The following SP3 variants were observed in gnomAD, a reference collection of about 807,000 sequenced individuals.
The protein encoded by SP3 is transcription factor Sp3.
SP3 carries 10 observed loss-of-function variants against 70.3 expected under a neutral mutation model. The observed-to-expected ratio is 0.14, with a 90% confidence interval of 0.09 to 0.24. The LOEUF (loss-of-function observed/expected upper bound fraction) is 0.24. Ranked by LOEUF, SP3 falls within the 10% of genes least tolerant of loss-of-function variation. The pLI, the probability that SP3 is intolerant of heterozygous loss-of-function variation, is 1.00. For synonymous variants in SP3, 402 were observed against 333.5 expected (o/e 1.21, Z -2.24); for missense variants, 825 against 914.6 (o/e 0.90, Z 1.26).
At position 173,908,195 on chromosome 2, in the gene SP3, G is replaced by T. The variant is rs1574392730; in HGVS notation, c.*1746C>A. 6.6e-6 allele frequency: 1 copy of T among 151,966 alleles called. No individual in the cohort carries two copies. The highest frequency in any genetic ancestry group is 2.4e-5 in the African/African-American group (1 of 41,400). The allele number at this position is 151,966 out of a possible 1,614,324, so 9.4% of individuals were successfully genotyped here. ...TTCAGGAGTCTTAATGTAAATTCAG[G>T]TTTTCGATAAATCAAAATATTCTGC... On this transcript the variant is annotated 3_prime_UTR_variant, in exon 7 of 7. Transcript: ENST00000310015.
In SP3 at chr2:173,909,976, G is replaced by A. The variant is rs1309939279; in HGVS notation, c.2311C>T (p.Leu771Phe). The A allele has an allele frequency of 6.2e-7, 1 of 1,613,740 alleles. No individual in the cohort carries two copies. The highest frequency in any genetic ancestry group is 1.3e-5 in the African/African-American group (1 of 74,918). Residue 771 changes from leucine to phenylalanine, a missense_variant, in exon 7 of 7, where the codon CTT becomes TTT. By Grantham distance (22) the Leu-to-Phe change is conservative. Transcript: ENST00000310015. The stretch of plus-strand genomic sequence containing the variant: ...GTCTCATTTCCAGAAACTGTGACAA[G>A]CTGTAAAGGTATTTCAGTGTTGGTA... Reference protein sequence around the residue: ...ILTNTEIPLQLVTVSGNETME With the variant: ...ILTNTEIPLQFVTVSGNETME
rs1689197172 is a variant in SP3, at chr2:173,901,873, G to C, written c.*8068C>G. 2.6e-5 allele frequency among the ~76,000 whole-genome samples: 4 copies of C among 151,802 alleles called. No individual in the cohort carries two copies. The highest frequency in any genetic ancestry group is 2.6e-4 in the Admixed American group (4 of 15,240). On this transcript the variant is annotated 3_prime_UTR_variant, in exon 7 of 7. Transcript: ENST00000310015. ...TGCGCCACCACCCCCAGCTAATTTT[G>C]TACTTTTCATCACCATGTTAGTCAG...
chr2:173,956,222 A>C lies in SP3; in HGVS notation c.290T>G (p.Leu97Trp). The part of the protein sequence containing the change: ...APAAAGATGD[L>W]ASAQLGGAPN... ...TGCTCCTCCTAACTGTGCAGAAGCC[A>C]AATCACCTGTCTGGATGAAGAAAAC... is the stretch of plus-strand genomic sequence containing the variant. The change falls in exon 4 of 7, where the codon TTG becomes TGG. Residue 97 changes from leucine (L) to tryptophan (W), a missense_variant. By Grantham distance (61) the Leu-to-Trp change is moderately conservative (BLOSUM62 -2). Coordinates refer to ENST00000310015, the MANE Select transcript of SP3 (RefSeq NM_003111.5). 1 of 1,595,562 alleles carries C rather than the reference A, an allele frequency of 6.3e-7. No homozygotes were observed. Among genetic ancestry groups the C allele is most frequent in the Non-Finnish European group, 8.6e-7 (1 of 1,169,096 alleles).
At chr2:173,946,655 C>T (rs2105488659) in intron 4 of SP3, among the ~76,000 whole-genome samples, 1 of 151,626 alleles carries the variant, frequency 6.6e-6, no homozygotes, top group East Asian at 1.9e-4. Context: ...TGGTTATTTT[C>T]TCTCAGCACT....
chr2:173,965,006 G>C lies in SP3; in HGVS notation c.7+159C>G, dbSNP rs536395522. ...TCGGGGGTGGACGGTGGCTGGCGGGGAGGGGAGGGAGGCGCAGGGGAGTGC... is the reference window on the plus strand; with the variant it reads ...TCGGGGGTGGACGGTGGCTGGCGGGCAGGGGAGGGAGGCGCAGGGGAGTGC... On this transcript the variant is annotated intron_variant, in intron 1 of 6. Coordinates refer to ENST00000310015, the MANE Select transcript of SP3 (RefSeq NM_003111.5). The C allele has an allele frequency of 3.2e-3, 2,830 of 898,166 alleles. 8 individuals carry two copies. Among genetic ancestry groups the C allele is most frequent in the South Asian group, 4.5e-3 (249 of 55,828 alleles). The allele number at this position is 898,166 out of a possible 1,614,324, so 55.6% of individuals were successfully genotyped here.
Position 173,909,787 on chromosome 2 carries a change from T to C in SP3, c.*154A>G. On this transcript the variant is annotated 3_prime_UTR_variant, in exon 7 of 7. Coordinates refer to ENST00000310015, the MANE Select transcript of SP3 (RefSeq NM_003111.5). The stretch of plus-strand genomic sequence containing the variant: ...ATTTTTAATATACTATGGAATATCA[T>C]ACAAAGTAAGGCATTTCAGTGTCAT... The C allele has an allele frequency of 1.7e-6, 1 of 594,904 alleles. No individual in the cohort carries two copies. The highest frequency in any genetic ancestry group is 2.9e-6 in the Non-Finnish European group (1 of 342,928). The allele number at this position is 594,904 out of a possible 1,614,324, so 36.9% of individuals were successfully genotyped here. A position where few individuals can be genotyped will look rare whatever the true frequency, so the allele number is the denominator to read the frequency against.
At chr2:173,948,633 TAA>T (rs1399238731) in intron 4 of SP3, among the ~76,000 whole-genome samples, 9 of 152,198 alleles carry the variant, frequency 5.9e-5, no homozygotes, top group Non-Finnish European at 1.3e-4. Context: ...TATATGACAC[TAA>T]GTCTTATTCC....
chr2:173,924,927 GC>G (rs1459309242), intron 4 of SP3, among the ~76,000 whole-genome samples: 6 of 152,046 alleles, frequency 3.9e-5, no homozygotes, highest in Non-Finnish European at 8.8e-5. Flanking sequence ...GTGTCACATC[GC>G]CCAGGCTGGA....
intron 4 of SP3, among the ~76,000 whole-genome samples, chr2:173,925,379 T>TA (rs1354995510): frequency 6.6e-6 from 1 of 152,036 alleles, no homozygotes; most frequent in Non-Finnish European, 1.5e-5. Context: ...GTCAAAATCA[T>TA]ACAAACAGCA....
At chr2:173,945,441 CA>C (rs928170027) in intron 4 of SP3, among the ~76,000 whole-genome samples, 74 of 151,790 alleles carry the variant, frequency 4.9e-4, no homozygotes, top group African/African-American at 1.7e-3. Context: ...AACCTGAAGG[CA>C]AAAAAATGAT....
chr2:173,933,638 T>TTATATATATATATATATATATATA lies in SP3; in HGVS notation c.1640-14877_1640-14854dup, dbSNP rs60102426. Reference sequence around the variant, plus strand: ...ACAAATGACTAACATTTATAAAACTTTATATATATATATATATATATATAT... The same window carrying TTATATATATATATATATATATATA: ...ACAAATGACTAACATTTATAAAACTTTATATATATATATATATATATATATATATATATATATATATATATATAT... On this transcript the variant is annotated intron_variant, in intron 4 of 6. Coordinates refer to ENST00000310015, the MANE Select transcript of SP3 (RefSeq NM_003111.5). Among the ~76,000 whole-genome samples the TTATATATATATATATATATATATA allele has an allele frequency of 5.3e-4, 46 of 86,516 alleles. 1 individual carries two copies. The highest frequency in any genetic ancestry group is 7.8e-4 in the Non-Finnish European group (33 of 42,294). The allele number at this position is 86,516 out of a possible 152,430, so 56.8% of individuals were successfully genotyped here. A position where few individuals can be genotyped will look rare whatever the true frequency, so the allele number is the denominator to read the frequency against.
intron 3 of SP3, among the ~76,000 whole-genome samples, chr2:173,958,106 T>C (rs1454895766): frequency 6.6e-6 from 1 of 152,120 alleles, no homozygotes; most frequent in African/African-American, 2.4e-5. Context: ...ATTGCTCACC[T>C]GGAGGATCCA....
chr2:173,918,910 T>C, intron 4 of SP3, 125 bp from the exon 5 acceptor site: 1 of 764,992 alleles, frequency 1.3e-6, no homozygotes, highest in Non-Finnish European at 2.0e-6. Context: ...GCCTAGACTG[T>C]TTTCCAGTTA....
At chr2:173,936,026 TG>T (rs1266710767) in intron 4 of SP3, among the ~76,000 whole-genome samples, 1 of 152,150 alleles carries the variant, frequency 6.6e-6, no homozygotes, top group African/African-American at 2.4e-5. Flanking sequence ...TTACCTTTTT[TG>T]TTTTTTTGGT....
intron 5 of SP3, among the ~76,000 whole-genome samples, chr2:173,918,164 A>C (rs904423305): frequency 6.6e-6 from 1 of 152,106 alleles, no homozygotes. Flanking sequence ...TTTTTAAAAA[A>C]TTCAATCTAT....
At chr2:173,911,932 C>A (rs1317451431) in intron 6 of SP3, among the ~76,000 whole-genome samples, 3 of 151,444 alleles carry the variant, frequency 2.0e-5, no homozygotes, top group African/African-American at 7.3e-5. Flanking sequence ...AATCCTCCCA[C>A]CTCAGCCTCC....
chr2:173,924,938 A>T (rs1689869000), intron 4 of SP3, among the ~76,000 whole-genome samples: 1 of 152,214 alleles, frequency 6.6e-6, no homozygotes, highest in Admixed American at 6.5e-5. Context: ...CCCAGGCTGG[A>T]GTGCAGTGGC....
Position 173,956,160 on chromosome 2 carries a change from T to C in SP3, c.352A>G (p.Thr118Ala). The C allele has an allele frequency of 1.9e-6, 3 of 1,614,134 alleles. No individual in the cohort carries two copies. Among genetic ancestry groups the C allele is most frequent in the South Asian group, 1.1e-5 (1 of 91,084 alleles). ...RWEVLSATPTTIKDEAGNLVQ... is the reference protein window; with the variant it reads ...RWEVLSATPTAIKDEAGNLVQ... ...AGATTACCAGCTTCATCTTTTATAG[T>C]TGTAGGTGTGGCTGACAAAACCTCC... Residue 118 changes from threonine to alanine, a missense_variant, in exon 4 of 7, where the codon ACT (threonine) becomes GCT (alanine). By Grantham distance (58) the Thr-to-Ala change is moderately conservative. Coordinates refer to ENST00000310015, the MANE Select transcript of SP3 (RefSeq NM_003111.5).
chr2:173,943,505 CT>C (rs1382862550), intron 4 of SP3, among the ~76,000 whole-genome samples: 1 of 151,936 alleles, frequency 6.6e-6, no homozygotes, highest in African/African-American at 2.4e-5. Flanking sequence ...TTTTAATTTT[CT>C]TTTTTATGAG....
Sources: gnomAD v4.1 joint callset for allele counts (sites outside exome capture counted in the v4.1 genomes callset) on GRCh38, gnomAD v4.1.1 for gene constraint, MANE v1.5 for transcripts, NCBI Gene and HGNC (gene_info 2026-07-23, HGNC 2026-07-21) for gene names.